Variants in ANKRD31 observed in about 807,000 individuals in gnomAD.
ANKRD31 encodes ankyrin repeat domain 31.
Under a neutral mutation model 186.0 loss-of-function variants are expected in ANKRD31, and 147 were observed. The ratio of observed to expected loss-of-function variants is 0.79; its 90% confidence interval spans 0.69 to 0.91. ANKRD31 has a LOEUF of 0.91. Among genes scored for constraint, ANKRD31 ranks in the 40% least tolerant of loss-of-function variants. The probability of loss-of-function intolerance (pLI) is 0.00; values close to 1 mark genes in which losing one functional copy is unlikely to be tolerated. For missense variants in ANKRD31, 1,986 were observed against 2,148.8 expected, an observed-to-expected ratio of 0.92 and a Z score of 1.50; for synonymous variants, 673 against 736.4, an observed-to-expected ratio of 0.91 and a Z score of 1.39.
At chr5:75,086,867 G>A (rs756773521) in intron 23 of ANKRD31, among the ~76,000 whole-genome samples, 1 of 152,094 alleles carries the variant, frequency 6.6e-6, no homozygotes, top group Non-Finnish European at 1.5e-5. Flanking sequence ...GAATGTGTGT[G>A]TGTACGCGCA....
At chr5:75,211,805 T>C (rs1382776712) in intron 3 of ANKRD31, among the ~76,000 whole-genome samples, 2 of 152,204 alleles carry the variant, frequency 1.3e-5, no homozygotes, top group Non-Finnish European at 2.9e-5. Context: ...GAAATGTCTA[T>C]TTGAGCCCTT....
intron 10 of ANKRD31, among the ~76,000 whole-genome samples, chr5:75,177,095 T>C (rs1427176705): frequency 6.6e-6 from 1 of 152,128 alleles, no homozygotes; most frequent in Non-Finnish European, 1.5e-5. Flanking sequence ...TGCACAAGCC[T>C]CAGTAATCGA....
intron 17 of ANKRD31, among the ~76,000 whole-genome samples, chr5:75,132,365 A>T (rs1230810381): frequency 2.0e-5 from 3 of 152,216 alleles, no homozygotes; most frequent in Non-Finnish European, 4.4e-5. Flanking sequence ...GAATTATGTG[A>T]CGCATGCACA....
Position 75,104,253 on chromosome 5 carries a change from T to C in ANKRD31, c.5306A>G (p.Asn1769Ser), listed in dbSNP as rs1383499493. Residue 1769 changes from asparagine to serine, a missense_variant, in exon 22 of 26, where the codon AAT becomes AGT. Asn to Ser is a conservative substitution (Grantham distance 46). Transcript: ENST00000506364. ...LILLGRINPG[N>S]NILEFKTQET... ...CTGTGTTTTGAATTCCAGAATGTTATTTCCTGGGTTAATTCTTCCTAGTAA... is the reference window on the plus strand; with the variant it reads ...CTGTGTTTTGAATTCCAGAATGTTACTTCCTGGGTTAATTCTTCCTAGTAA... The C allele has an allele frequency of 6.6e-7, 1 of 1,512,444 alleles. No individual in the cohort carries two copies. Among genetic ancestry groups the C allele is most frequent in the Non-Finnish European group, 8.8e-7 (1 of 1,134,716 alleles). 93.7% of individuals were successfully genotyped at this position (1,512,444 alleles called of 1,614,324 possible).
intron 1 of ANKRD31, among the ~76,000 whole-genome samples, chr5:75,236,036 A>C (rs1488424548): frequency 6.6e-6 from 1 of 152,184 alleles, no homozygotes. Context: ...TAGTGGCCTC[A>C]TCCCTGCCCT....
At chr5:75,229,001 C>T (rs779748904) in intron 2 of ANKRD31, among the ~76,000 whole-genome samples, 3 of 150,940 alleles carry the variant, frequency 2.0e-5, no homozygotes, top group South Asian at 2.2e-4. Flanking sequence ...AGAAAACCTT[C>T]GTGGGTGTTT....
chr5:75,145,711 T>A (rs1751383514), intron 14 of ANKRD31, among the ~76,000 whole-genome samples: 1 of 151,378 alleles, frequency 6.6e-6, no homozygotes, highest in Non-Finnish European at 1.5e-5. Context: ...TACACATGTA[T>A]CCCAGAACTT....
intron 23 of ANKRD31, among the ~76,000 whole-genome samples, chr5:75,088,818 G>A (rs1288730631): frequency 1.3e-5 from 2 of 152,150 alleles, no homozygotes; most frequent in Admixed American, 1.3e-4. Flanking sequence ...AAGTTGTTGC[G>A]TAAAACTGCT....
Position 75,068,538 on chromosome 5 carries a change from C to T in ANKRD31, c.5774G>A (p.Cys1925Tyr), listed in dbSNP as rs761658458. Reference protein sequence around the residue: ...MDQHWKFCVECEELTP With the variant: ...MDQHWKFCVEYEELTP The stretch of plus-strand genomic sequence containing the variant: ...AAGGTTTTAGGGTGTTAGTTCCTCA[C>T]ATTCCACACAAAACTTCCAATGCTG... Residue 1925 changes from cysteine to tyrosine, a missense_variant, in exon 26 of 26, where the codon TGT (cysteine) becomes TAT (tyrosine). Transcript: ENST00000506364. 11 of 1,516,452 alleles carry T rather than the reference C, an allele frequency of 7.3e-6. No homozygotes were observed. The African/African-American group carries it at 1.4e-4, about 19-fold the overall frequency. The allele number at this position is 1,516,452 out of a possible 1,614,324, so 93.9% of individuals were successfully genotyped here. A position where few individuals can be genotyped will look rare whatever the true frequency, so the allele number is the denominator to read the frequency against.
rs975336186 is a variant in ANKRD31 at position 75,116,523 on chromosome 5, C to A, written c.4155+43G>T. 6.5e-5 allele frequency: 80 copies of A among 1,238,136 alleles called. No homozygotes were observed. The African/African-American group carries it at 1.1e-3, about 17-fold the overall frequency. 76.7% of individuals were successfully genotyped at this position (1,238,136 alleles called of 1,614,324 possible). On this transcript the variant is annotated intron_variant, in intron 19 of 25. Coordinates refer to ENST00000506364, the MANE Select transcript of ANKRD31 (RefSeq NM_001372053.1). Reference sequence around the variant, plus strand: ...ACTAACTGGCTGGCTCAAAGAATGGCATTTTCTAAGATGAAGAACAAAGTA... The same window carrying A: ...ACTAACTGGCTGGCTCAAAGAATGGAATTTTCTAAGATGAAGAACAAAGTA...
chr5:75,119,140 G>T (rs1294650529), intron 17 of ANKRD31, among the ~76,000 whole-genome samples: 1 of 152,022 alleles, frequency 6.6e-6, no homozygotes, highest in Non-Finnish European at 1.5e-5. Context: ...ATATGTGCAG[G>T]TTTACTACAT....
Position 75,154,189 on chromosome 5 carries a change from G to A in ANKRD31, c.1852+12C>T, listed in dbSNP as rs968066724. ...TGTGACAAATAGCTATTACAGGGCA[G>A]TTTAATCTTACCTGATGTAAGGCAT... is the stretch of plus-strand genomic sequence containing the variant. On this transcript the variant is annotated intron_variant, in intron 12 of 25. Transcript: ENST00000506364. The A allele has an allele frequency of 2.0e-6, 3 of 1,494,802 alleles. No homozygotes were observed. The highest frequency in any genetic ancestry group is 1.4e-5 in the African/African-American group (1 of 71,516). 92.6% of individuals were successfully genotyped at this position (1,494,802 alleles called of 1,614,324 possible).
intron 25 of ANKRD31, among the ~76,000 whole-genome samples, chr5:75,073,867 A>AT (rs1053604417): frequency 6.6e-6 from 1 of 152,078 alleles, no homozygotes; most frequent in African/African-American, 2.4e-5. Flanking sequence ...TTTTTAAAAA[A>AT]TTTTTTTTAA....
chr5:75,162,350 G>A (rs1490846623), intron 11 of ANKRD31, among the ~76,000 whole-genome samples: 1 of 152,170 alleles, frequency 6.6e-6, no homozygotes, highest in East Asian at 1.9e-4. Context: ...CTTGCATAGG[G>A]CCTGTAGCCC....
chr5:75,105,552 C>A (rs1258137640), intron 21 of ANKRD31, among the ~76,000 whole-genome samples: 2 of 152,096 alleles, frequency 1.3e-5, no homozygotes, highest in Non-Finnish European at 2.9e-5. Context: ...CTTGGATCAT[C>A]TATCTAAACA....
chr5:75,146,677 CCTT>C lies in ANKRD31; in HGVS notation c.2731_2733del (p.Lys911del). The C allele has an allele frequency of 7.8e-6, 12 of 1,536,142 alleles. No homozygotes were observed. The highest frequency in any genetic ancestry group is 1.0e-5 in the Non-Finnish European group (12 of 1,146,218). On this transcript the variant is annotated inframe_deletion, in exon 14 of 26. Transcript: ENST00000506364. ...CACAACACCTTTTTAGATGTTATAG[CCTT>C]CTCAGAGGTAGAGCAATCATCATCA...
chr5:75,095,041 A>G (rs918509437), intron 22 of ANKRD31, among the ~76,000 whole-genome samples: 4 of 152,230 alleles, frequency 2.6e-5, no homozygotes, highest in Admixed American at 2.6e-4. Context: ...AATACATGAA[A>G]TAAAAATTAA....
chr5:75,138,009 A>ACAAAG lies in ANKRD31; in HGVS notation c.3734-12_3734-11insCTTTG. The ACAAAG allele has an allele frequency of 7.1e-7, 1 of 1,407,048 alleles. No homozygotes were observed. The highest frequency in any genetic ancestry group is 9.1e-7 in the Non-Finnish European group (1 of 1,102,720). 87.2% of individuals were successfully genotyped at this position (1,407,048 alleles called of 1,614,324 possible). A position where few individuals can be genotyped will look rare whatever the true frequency, so the allele number is the denominator to read the frequency against. On this transcript the variant is annotated splice_polypyrimidine_tract_variant and intron_variant, in intron 16 of 25. Transcript: ENST00000506364. Reference sequence around the variant, plus strand: ...GAAGTGGTGTCCAACCTAAAAAAAGAAAAAGAAAAAAAAAAACCCTGCTTC... The same window carrying ACAAAG: ...GAAGTGGTGTCCAACCTAAAAAAAGACAAAGAAAAGAAAAAAAAAAACCCTGCTTC...
intron 17 of ANKRD31, among the ~76,000 whole-genome samples, chr5:75,122,899 A>G (rs1481351191): frequency 2.6e-5 from 4 of 152,044 alleles, no homozygotes; most frequent in African/African-American, 9.6e-5. Flanking sequence ...CACTTACACC[A>G]CTCCTGTTCA....
Sources: gnomAD v4.1 joint callset for allele counts (sites outside exome capture counted in the v4.1 genomes callset) on GRCh38, gnomAD v4.1.1 for gene constraint, MANE v1.5 for transcripts, NCBI Gene and HGNC (gene_info 2026-07-23, HGNC 2026-07-21) for gene names.